The following TMEM178B variants were observed in gnomAD, a reference collection of about 807,000 sequenced individuals.
The protein encoded by TMEM178B is transmembrane protein 178B.
TMEM178B carries 5 observed loss-of-function variants against 31.0 expected under a neutral mutation model. That is an observed-to-expected ratio of 0.16 (90% CI 0.08 to 0.34). The LOEUF is 0.34. TMEM178B is among the 10% of genes least tolerant of loss of function. TMEM178B has a pLI of 1.00. For missense variants in TMEM178B, 275 were observed against 400.3 expected (o/e 0.69, Z 2.67); for synonymous variants, 164 against 164.0 (o/e 1.00, Z 0.00).
intron 2 of TMEM178B, among the ~76,000 whole-genome samples, chr7:141,320,697 A>G (rs917948404): frequency 6.6e-6 from 1 of 152,226 alleles, no homozygotes; most frequent in African/African-American, 2.4e-5. Flanking sequence ...TTTGTTAAGT[A>G]TTTTGGATAT....
chr7:141,481,773 C>T (rs1802480907), downstream of TMEM178B, among the ~76,000 whole-genome samples: 1 of 152,086 alleles, frequency 6.6e-6, no homozygotes, highest in African/African-American at 2.4e-5. Flanking sequence ...ATAGTAATGT[C>T]CCTTAGAAGA....
chr7:141,363,875 G>A lies in TMEM178B; in HGVS notation c.497-73733G>A, dbSNP rs923602604. Among the ~76,000 whole-genome samples the A allele has an allele frequency of 2.7e-5, 4 of 150,888 alleles. 1 individual carries two copies. The South Asian group carries it at 8.4e-4, about 32-fold the overall frequency. ...ACTGCACTTCAGCCTAAGCAACAAAGTGAGACCCTGTTTCTAAAAAATAAA... is the reference window on the plus strand; with the variant it reads ...ACTGCACTTCAGCCTAAGCAACAAAATGAGACCCTGTTTCTAAAAAATAAA... On this transcript the variant is annotated intron_variant, in intron 2 of 3. Transcript: ENST00000565468.
At chr7:141,433,823 A>G (rs1801483222) in intron 2 of TMEM178B, among the ~76,000 whole-genome samples, 1 of 152,218 alleles carries the variant, frequency 6.6e-6, no homozygotes, top group African/African-American at 2.4e-5. Context: ...CAAAGTAACC[A>G]GCTGTTCATG....
rs58979300 is a variant in TMEM178B at position 141,250,643 on chromosome 7, C to T, written c.496+37939C>T. ...ACCTTCCTTTAATCCCCCTGGACTT[C>T]TTGACATTTATCACAATCAGCCTCT... On this transcript the variant is annotated intron_variant, in intron 2 of 3. Coordinates refer to ENST00000565468, the MANE Select transcript of TMEM178B (RefSeq NM_001195278.2). 3.7e-3 allele frequency among the ~76,000 whole-genome samples: 559 copies of T among 152,260 alleles called. 4 individuals are homozygous for T. The highest frequency in any genetic ancestry group is 0.013 in the African/African-American group (534 of 41,558).
intron 2 of TMEM178B, among the ~76,000 whole-genome samples, chr7:141,351,359 G>T (rs1045268003): frequency 2.0e-5 from 3 of 152,280 alleles, no homozygotes; most frequent in Non-Finnish European, 4.4e-5. Flanking sequence ...GGGCAGGCTG[G>T]CCTAGAATGG....
At chr7:141,389,746 G>A (rs1800500449) in intron 2 of TMEM178B, among the ~76,000 whole-genome samples, 1 of 152,202 alleles carries the variant, frequency 6.6e-6, no homozygotes, top group Non-Finnish European at 1.5e-5. Flanking sequence ...ATCTAAATGG[G>A]AAAATTATGT....
At chr7:141,483,881 G>A (rs1462497948), downstream of TMEM178B, among the ~76,000 whole-genome samples, 2 of 151,966 alleles carry the variant, frequency 1.3e-5, no homozygotes, top group South Asian at 2.1e-4. Context: ...GATTCCAGGT[G>A]CCCACCATCA....
rs141024682 is a variant in TMEM178B at position 141,283,032 on chromosome 7, T to C, written c.496+70328T>C. ...ACCTAATAATGCTTCCTCTAATCTA[T>C]GAGGGAGGGACTATTACTATCCCCG... is the stretch of plus-strand genomic sequence containing the variant. On this transcript the variant is annotated intron_variant, in intron 2 of 3. Coordinates refer to ENST00000565468, the MANE Select transcript of TMEM178B (RefSeq NM_001195278.2). Among the ~76,000 whole-genome samples the C allele has an allele frequency of 3.2e-4, 48 of 152,266 alleles. No homozygotes were observed. The East Asian group carries it at 8.9e-3, about 28-fold the overall frequency.
Position 141,344,610 on chromosome 7 carries a change from T to TCCTTCCTTCCTTCCTTCCTTCCTC in TMEM178B, c.497-92979_497-92978insTCCTCCCTTCCTTCCTTCCTTCCT, listed in dbSNP as rs1563157492. The stretch of plus-strand genomic sequence containing the variant: ...TTCCTTCCTTCCTTCCTTCCTTCCT[T>TCCTTCCTTCCTTCCTTCCTTCCTC]CCTTCCTTCCTTCCTTCCTCCCTTC... On this transcript the variant is annotated intron_variant, in intron 2 of 3. Transcript: ENST00000565468. The surrounding 1 kb of genome is among the most constrained non-coding windows in gnomAD (Gnocchi z 4.1). 6.4e-4 allele frequency among the ~76,000 whole-genome samples: 88 copies of TCCTTCCTTCCTTCCTTCCTTCCTC among 138,452 alleles called. No homozygotes were observed. Among genetic ancestry groups the TCCTTCCTTCCTTCCTTCCTTCCTC allele is most frequent in the African/African-American group, 2.2e-3 (82 of 37,134 alleles). 90.8% of individuals were successfully genotyped at this position (138,452 alleles called of 152,430 possible).
intron 1 of TMEM178B, among the ~76,000 whole-genome samples, chr7:141,202,929 C>G (rs112448449): frequency 0.048 from 7,280 of 152,294 alleles, 540 homozygotes; most frequent in African/African-American, 0.15. Context: ...GGTTTGCCCA[C>G]TTGGAAGCCC....
chr7:141,255,452 A>G (rs993674612), intron 2 of TMEM178B, among the ~76,000 whole-genome samples: 7 of 152,212 alleles, frequency 4.6e-5, no homozygotes, highest in African/African-American at 1.4e-4. Flanking sequence ...AAACATATGT[A>G]CCTCTAAAAC....
intron 2 of TMEM178B, among the ~76,000 whole-genome samples, chr7:141,437,371 T>C (rs1801565445): frequency 6.6e-6 from 1 of 152,270 alleles, no homozygotes; most frequent in African/African-American, 2.4e-5. Context: ...GATATTGTGA[T>C]GATCTGTCCC....
chr7:141,324,116 G>A (rs752120163), intron 2 of TMEM178B, among the ~76,000 whole-genome samples: 76 of 152,148 alleles, frequency 5.0e-4, no homozygotes, highest in Non-Finnish European at 9.6e-4. Flanking sequence ...AAGAAACGTA[G>A]GGGGGAAGCA....
chr7:141,100,455 A>G (rs1014109881), intron 1 of TMEM178B, among the ~76,000 whole-genome samples: 8 of 152,204 alleles, frequency 5.3e-5, no homozygotes, highest in African/African-American at 1.7e-4. Context: ...AGCTTGGAGT[A>G]GATAGCATGC....
chr7:141,432,544 T>C (rs1201246377), intron 2 of TMEM178B, among the ~76,000 whole-genome samples: 2 of 152,218 alleles, frequency 1.3e-5, no homozygotes, highest in African/African-American at 2.4e-5. Flanking sequence ...TATTAATATA[T>C]AAGTTAGAAT....
At chr7:141,365,650 C>G (rs1799991159) in intron 2 of TMEM178B, among the ~76,000 whole-genome samples, 1 of 152,228 alleles carries the variant, frequency 6.6e-6, no homozygotes, top group Non-Finnish European at 1.5e-5. Flanking sequence ...CAATCTCTGC[C>G]TTTCTTCCAT....
chr7:141,213,662 T>C (rs1246781312), intron 2 of TMEM178B, among the ~76,000 whole-genome samples: 1 of 152,224 alleles, frequency 6.6e-6, no homozygotes, highest in East Asian at 1.9e-4. Context: ...TCTCTTCTCC[T>C]TATAGGTGCT....
At chr7:141,184,406 T>G (rs2129184271) in intron 1 of TMEM178B, among the ~76,000 whole-genome samples, 1 of 152,218 alleles carries the variant, frequency 6.6e-6, no homozygotes, top group Middle Eastern at 3.4e-3. Context: ...GTGTCTTACG[T>G]GTTTCTAAAT....
chr7:141,404,347 C>T (rs759199096), intron 2 of TMEM178B, among the ~76,000 whole-genome samples: 4 of 152,212 alleles, frequency 2.6e-5, no homozygotes, highest in South Asian at 2.1e-4. Context: ...ACAAAAACAA[C>T]GGAAATTTAT....
Sources: gnomAD v4.1 joint callset for allele counts (sites outside exome capture counted in the v4.1 genomes callset) on GRCh38, gnomAD v4.1.1 for gene constraint, Gnocchi (gnomAD v3.1) non-coding constraint, MANE v1.5 for transcripts, NCBI Gene and HGNC (gene_info 2026-07-23, HGNC 2026-07-21) for gene names.